The following EPHB2 variants were observed in gnomAD, a reference collection of about 807,000 sequenced individuals.
EPHB2 encodes the protein EPH receptor B2.
A neutral mutation model predicts 96.4 loss-of-function variants in EPHB2; 18 were observed. That is an observed-to-expected ratio of 0.19 (90% CI 0.13 to 0.28). The LOEUF (loss-of-function observed/expected upper bound fraction) is 0.28. Among genes scored for constraint, EPHB2 ranks in the 10% least tolerant of loss-of-function variants. The pLI, the probability that EPHB2 is intolerant of heterozygous loss-of-function variation, is 1.00. For synonymous variants in EPHB2, 506 were observed against 534.1 expected (o/e 0.95, Z 0.72); for missense variants, 989 against 1,355.4 (o/e 0.73, Z 4.25).
Position 22,918,182 on chromosome 1 carries a change from C to T in EPHB2, c.*4612C>T, listed in dbSNP as rs532070603. 9 of 152,336 alleles carry T rather than the reference C, an allele frequency of 5.9e-5. No individual in the cohort carries two copies. Among genetic ancestry groups the T allele is most frequent in the African/African-American group, 2.2e-4 (9 of 41,538 alleles). The allele number at this position is 152,336 out of a possible 1,614,324, so 9.4% of individuals were successfully genotyped here. ...AAGGAATTGCCCCCGGAGCGGCCCT[C>T]ATTTATTCCAGGAGAAGCCAGGCCC... is the stretch of plus-strand genomic sequence containing the variant. On this transcript the variant is annotated 3_prime_UTR_variant, in exon 16 of 16. Coordinates refer to ENST00000374630, the MANE Select transcript of EPHB2 (RefSeq NM_017449.5). The surrounding 1 kb of genome is among the most constrained non-coding windows in gnomAD (Gnocchi z 4.2).
At chr1:22,748,754 G>T (rs955427786) in intron 1 of EPHB2, among the ~76,000 whole-genome samples, 3 of 147,336 alleles carry the variant, frequency 2.0e-5, no homozygotes. Flanking sequence ...ACACATATAT[G>T]ATATTAAAAT....
At chr1:22,893,143 G>A in intron 7 of EPHB2, 97 bp downstream of exon 7, 1 of 1,585,338 alleles carries the variant, frequency 6.3e-7, no homozygotes, top group Non-Finnish European at 8.7e-7. Context: ...GTGCAGATTA[G>A]AAAAGGCACT....
intron 3 of EPHB2, chr1:22,836,558 A>G (rs1645388717): frequency 6.6e-6 from 1 of 152,254 alleles, no homozygotes; most frequent in African/African-American, 2.4e-5. Context: ...GTAAGGTCTT[A>G]ACAGCCAGCC....
chr1:22,847,194 TC>T lies in EPHB2; in HGVS notation c.812-15842del, dbSNP rs1645555931. ...CTCTATGCTTATTAACTCCAAGTCT[TC>T]ACTGCAGGTAAGTCCTATTCATTAA... On this transcript the variant is annotated intron_variant, in intron 3 of 15. Transcript: ENST00000374630. Among the ~76,000 whole-genome samples the T allele has an allele frequency of 2.0e-5, 3 of 152,216 alleles. No homozygotes were observed. The South Asian group carries it at 6.2e-4, about 32-fold the overall frequency.
intron 3 of EPHB2, among the ~76,000 whole-genome samples, chr1:22,825,059 G>T (rs972393123): frequency 6.6e-6 from 1 of 152,256 alleles, no homozygotes. Context: ...CAGGAGCATA[G>T]TCTGTGACTG....
intron 1 of EPHB2, among the ~76,000 whole-genome samples, chr1:22,716,443 C>T (rs942765097): frequency 6.6e-6 from 1 of 152,130 alleles, no homozygotes; most frequent in Non-Finnish European, 1.5e-5. Context: ...GCCATCTTCC[C>T]ACCTCAGCCT....
Position 22,915,025 on chromosome 1 carries a change from AG to A in EPHB2, c.*1456del, listed in dbSNP as rs1274748294. ...GTCAAAACCCAGTTTTCCCTCTGGG[AG>A]CCTAAACCAGGCTGCATCGGAGGCC... is the stretch of plus-strand genomic sequence containing the variant. On this transcript the variant is annotated 3_prime_UTR_variant, in exon 16 of 16. Transcript: ENST00000374630. The A allele has an allele frequency of 6.6e-6, 1 of 152,528 alleles. No homozygotes were observed. Among genetic ancestry groups the A allele is most frequent in the African/African-American group, 2.4e-5 (1 of 41,406 alleles). 9.4% of individuals were successfully genotyped at this position (152,528 alleles called of 1,614,324 possible).
chr1:22,882,957 T>C (rs10158017), intron 6 of EPHB2: 6,210 of 228,104 alleles, frequency 0.027, 390 homozygotes, highest in African/African-American at 0.13. Context: ...GCATGCCCTT[T>C]GCATGGGGAG....
intron 1 of EPHB2, among the ~76,000 whole-genome samples, chr1:22,765,546 C>CAA (rs10667863): frequency 0.87 from 100,097 of 115,260 alleles, 44,118 homozygotes; most frequent in Non-Finnish European, 0.91. Flanking sequence ...GACCCTGTCG[C>CAA]AAAAAAAAAA....
chr1:22,820,641 C>T (rs955512235), intron 3 of EPHB2, among the ~76,000 whole-genome samples: 1 of 152,084 alleles, frequency 6.6e-6, no homozygotes, highest in Admixed American at 6.5e-5. Flanking sequence ...CCATGCACTC[C>T]AGCCGGGGTG....
chr1:22,748,240 T>C (rs912585805), intron 1 of EPHB2, among the ~76,000 whole-genome samples: 9 of 152,196 alleles, frequency 5.9e-5, no homozygotes, highest in African/African-American at 1.9e-4. Flanking sequence ...CTGTTATTCT[T>C]AATATTCCTT....
chr1:22,793,650 C>T (rs975177981), intron 3 of EPHB2, among the ~76,000 whole-genome samples: 4 of 152,090 alleles, frequency 2.6e-5, no homozygotes, highest in South Asian at 2.1e-4. Context: ...CTACTGCCCT[C>T]GCAGGCTGAG....
At chr1:22,867,320 C>T (rs1638510712) in intron 5 of EPHB2, among the ~76,000 whole-genome samples, 1 of 152,192 alleles carries the variant, frequency 6.6e-6, no homozygotes, top group Admixed American at 6.5e-5. Flanking sequence ...ATGTATCAAC[C>T]TGCAGGGCCT....
chr1:22,797,434 G>A (rs750045288), intron 3 of EPHB2, among the ~76,000 whole-genome samples: 11 of 151,914 alleles, frequency 7.2e-5, no homozygotes, highest in South Asian at 2.1e-4. Context: ...TCCACCTCTC[G>A]CTCTGAGCCC....
chr1:22,913,223 C>T lies in EPHB2; in HGVS notation c.2853-239C>T. 1.7e-6 allele frequency: 1 copy of T among 587,736 alleles called. No individual in the cohort carries two copies. The highest frequency in any genetic ancestry group is 3.0e-6 in the Non-Finnish European group (1 of 329,144). 36.4% of individuals were successfully genotyped at this position (587,736 alleles called of 1,614,324 possible). Reference sequence around the variant, plus strand: ...AGAAAGAAAATGTAAGCTGGCTTCCCCCTCCCAATAGCAGGGGAGAGAAGG... The same window carrying T: ...AGAAAGAAAATGTAAGCTGGCTTCCTCCTCCCAATAGCAGGGGAGAGAAGG... On this transcript the variant is annotated intron_variant, in intron 15 of 15. Coordinates refer to ENST00000374630, the MANE Select transcript of EPHB2 (RefSeq NM_017449.5). The surrounding 1 kb of genome is among the most constrained non-coding windows in gnomAD (Gnocchi z 4.1).
chr1:22,853,929 C>T (rs918750247), intron 3 of EPHB2, among the ~76,000 whole-genome samples: 2 of 152,258 alleles, frequency 1.3e-5, no homozygotes, highest in Admixed American at 6.5e-5. Flanking sequence ...GAGGCATGCT[C>T]ATGCAGCTAC....
chr1:22,787,783 G>C (rs1250095916), intron 3 of EPHB2, among the ~76,000 whole-genome samples: 1 of 152,162 alleles, frequency 6.6e-6, no homozygotes, highest in Non-Finnish European at 1.5e-5. Context: ...GTTTCTGAGG[G>C]TCAGGAATCC....
intron 1 of EPHB2, among the ~76,000 whole-genome samples, chr1:22,766,593 A>C (rs957877479): frequency 1.3e-5 from 2 of 152,092 alleles, no homozygotes; most frequent in African/African-American, 2.4e-5. Context: ...AGATGAGGTC[A>C]CTGAGGCTGC....
intron 3 of EPHB2, among the ~76,000 whole-genome samples, chr1:22,856,585 G>C (rs750230552): frequency 9.8e-5 from 15 of 152,286 alleles, no homozygotes; most frequent in Non-Finnish European, 1.6e-4. Context: ...GTAGTATTTG[G>C]ACACAAGCTG....
Sources: gnomAD v4.1 joint callset for allele counts (sites outside exome capture counted in the v4.1 genomes callset) on GRCh38, gnomAD v4.1.1 for gene constraint, Gnocchi (gnomAD v3.1) non-coding constraint, MANE v1.5 for transcripts, NCBI Gene and HGNC (gene_info 2026-07-23, HGNC 2026-07-21) for gene names.